Variants in APBA2 observed in about 807,000 individuals in gnomAD.
The protein encoded by APBA2 is amyloid-beta A4 precursor protein-binding family A member 2.
In APBA2, 30 loss-of-function variants were observed where a neutral mutation model predicts 75.0. That is an observed-to-expected ratio of 0.40 (90% confidence interval 0.30 to 0.54). APBA2 has a LOEUF of 0.54. Among genes scored for constraint, APBA2 ranks in the 20% least tolerant of loss-of-function variants. APBA2 has a pLI of 0.49. For missense variants in APBA2, 801 were observed against 1,016.1 expected (o/e 0.79, Z 2.88); for synonymous variants, 444 against 409.6 (o/e 1.08, Z -1.01).
intron 6 of APBA2, among the ~76,000 whole-genome samples, chr15:29,081,912 G>T (rs112432931): frequency 6.6e-6 from 1 of 152,238 alleles, no homozygotes; most frequent in African/African-American, 2.4e-5. Flanking sequence ...TATGGCAGGG[G>T]TACAGGCCAG....
At chr15:28,975,985 A>G (rs2152759583) in intron 2 of APBA2, among the ~76,000 whole-genome samples, 1 of 152,330 alleles carries the variant, frequency 6.6e-6, no homozygotes, top group South Asian at 2.1e-4. Flanking sequence ...TCCTGAATTT[A>G]CCTGGAAGAC....
At chr15:29,058,547 T>C (rs2042001119) in intron 4 of APBA2, among the ~76,000 whole-genome samples, 1 of 151,968 alleles carries the variant, frequency 6.6e-6, no homozygotes, top group Admixed American at 6.6e-5. Flanking sequence ...GTTGTGCCTG[T>C]ACTAAGAAGT....
intron 3 of APBA2, among the ~76,000 whole-genome samples, chr15:29,015,385 G>A (rs2039607512): frequency 1.3e-5 from 2 of 152,160 alleles, no homozygotes; most frequent in Non-Finnish European, 1.5e-5. Context: ...CAAAAAAAAT[G>A]TGCCCAGCTC....
At chr15:29,088,297 A>T (rs764049697) in intron 6 of APBA2, among the ~76,000 whole-genome samples, 14 of 151,974 alleles carry the variant, frequency 9.2e-5, no homozygotes, top group Non-Finnish European at 1.9e-4. Context: ...AGACTCATCC[A>T]TGCCTGCAGC....
rs540264577 is a variant in APBA2, at chr15:28,911,528, C to T, written c.-204-10112C>T. ...GTTGTGGAGGGAATTAATGCACTTC[C>T]TTTTGTCCCCCAATCTCATTTACAT... On this transcript the variant is annotated intron_variant, in intron 1 of 14. Coordinates refer to ENST00000683413, the MANE Select transcript of APBA2 (RefSeq NM_001353788.2). Among the ~76,000 whole-genome samples, 21 of 152,318 alleles carry T rather than the reference C, an allele frequency of 1.4e-4. No individual in the cohort carries two copies. The South Asian group carries it at 4.4e-3, about 32-fold the overall frequency.
chr15:29,009,992 C>T lies in APBA2; in HGVS notation c.-41+14186C>T, dbSNP rs575005404. 2.6e-5 allele frequency among the ~76,000 whole-genome samples: 4 copies of T among 152,220 alleles called. No homozygotes were observed. The South Asian group carries it at 6.2e-4, about 24-fold the overall frequency. ...TGAACACTGCCAGTCCTTTTTCTGA[C>T]GTGATTGTACCCAATTACACTCCCA... On this transcript the variant is annotated intron_variant, in intron 3 of 14. Transcript: ENST00000683413.
intron 3 of APBA2, among the ~76,000 whole-genome samples, chr15:29,042,336 G>A (rs543699750): frequency 6.6e-6 from 1 of 151,944 alleles, no homozygotes; most frequent in Non-Finnish European, 1.5e-5. Context: ...GCAGTGGCCC[G>A]ATCTCAGCTC....
At chr15:29,013,328 G>A (rs1308747337) in intron 3 of APBA2, among the ~76,000 whole-genome samples, 4 of 141,416 alleles carry the variant, frequency 2.8e-5, no homozygotes, top group Admixed American at 2.3e-4. Flanking sequence ...CGCCCAGGCC[G>A]GACTGCAGTG....
intron 3 of APBA2, among the ~76,000 whole-genome samples, chr15:29,031,317 G>A (rs1400747435): frequency 1.3e-5 from 2 of 152,206 alleles, no homozygotes; most frequent in African/African-American, 2.4e-5. Flanking sequence ...CCATAGAAAT[G>A]TATTGCCTCA....
intron 3 of APBA2, among the ~76,000 whole-genome samples, chr15:29,000,192 T>A (rs1265202382): frequency 6.6e-6 from 1 of 152,198 alleles, no homozygotes; most frequent in Non-Finnish European, 1.5e-5. Flanking sequence ...CCAGTCAGGT[T>A]GATACATAAA....
chr15:28,966,095 A>G (rs1203691429), intron 2 of APBA2, among the ~76,000 whole-genome samples: 2 of 145,746 alleles, frequency 1.4e-5, no homozygotes, highest in African/African-American at 5.7e-5. Flanking sequence ...GAATTTATTA[A>G]GGCTTTTTTT....
chr15:29,007,887 A>G (rs1202495565), intron 3 of APBA2, among the ~76,000 whole-genome samples: 1 of 152,224 alleles, frequency 6.6e-6, no homozygotes, highest in Non-Finnish European at 1.5e-5. Flanking sequence ...GCATATGCCC[A>G]AGGGAAGTAA....
At chr15:29,068,618 G>A (rs1455751005) in intron 4 of APBA2, among the ~76,000 whole-genome samples, 1 of 152,240 alleles carries the variant, frequency 6.6e-6, no homozygotes, top group Non-Finnish European at 1.5e-5. Context: ...TGAGGCAGGT[G>A]CAGGTGACCA....
At chr15:29,048,661 C>T (rs372234668) in intron 3 of APBA2, among the ~76,000 whole-genome samples, 48 of 151,932 alleles carry the variant, frequency 3.2e-4, no homozygotes, top group East Asian at 1.2e-3. Flanking sequence ...GATGGCTGGG[C>T]GGGGTGGCTC....
chr15:28,924,742 C>G (rs527867579), intron 2 of APBA2, among the ~76,000 whole-genome samples: 4 of 152,058 alleles, frequency 2.6e-5, no homozygotes, highest in African/African-American at 9.7e-5. Flanking sequence ...GTGTTAGATT[C>G]GGTATCTGTT....
chr15:29,079,131 A>G (rs916244415), intron 6 of APBA2, among the ~76,000 whole-genome samples: 1 of 152,018 alleles, frequency 6.6e-6, no homozygotes, highest in African/African-American at 2.4e-5. Flanking sequence ...CCTGGAAGCT[A>G]TGCCCCACCC....
In APBA2 at chr15:29,113,862, C is replaced by G. The variant is rs1028963371; in HGVS notation, c.2038-14C>G. On this transcript the variant is annotated splice_polypyrimidine_tract_variant and intron_variant, in intron 13 of 14. Coordinates refer to ENST00000683413, the MANE Select transcript of APBA2 (RefSeq NM_001353788.2). ...GGCGGGAACACGTGTGCTGACCTGG[C>G]CATGTCTGCTTAGATCTGCAGCCTC... 1 of 1,607,746 alleles carries G rather than the reference C, an allele frequency of 6.2e-7. No individual in the cohort carries two copies. The highest frequency in any genetic ancestry group is 1.3e-5 in the African/African-American group (1 of 74,870).
intron 1 of APBA2, among the ~76,000 whole-genome samples, chr15:28,900,662 C>T (rs186653912): frequency 6.2e-4 from 94 of 152,244 alleles, no homozygotes; most frequent in African/African-American, 2.2e-3. Flanking sequence ...TGTCGGGGGC[C>T]GCTTCCCTGC....
At chr15:28,909,357 C>T (rs1490238877) in intron 1 of APBA2, among the ~76,000 whole-genome samples, 1 of 152,124 alleles carries the variant, frequency 6.6e-6, no homozygotes, top group African/African-American at 2.4e-5. Flanking sequence ...TGGAATCATA[C>T]AATCATTTAT....
Sources: allele counts gnomAD v4.1 joint callset (sites outside exome capture counted in the v4.1 genomes callset), GRCh38; gene constraint gnomAD v4.1.1; transcripts MANE v1.5; gene names NCBI Gene and HGNC (gene_info 2026-07-23, HGNC 2026-07-21).